The following PCDHA5 variants were observed in gnomAD, a reference collection of about 807,000 sequenced individuals.
PCDHA5 encodes the protein protocadherin alpha 5, also known as protocadherin alpha-5.
PCDHA5 carries 43 observed loss-of-function variants against 61.6 expected under a neutral mutation model. That is an observed-to-expected ratio of 0.70 (90% CI 0.55 to 0.90). The LOEUF is 0.90. PCDHA5 is among the 40% of genes least tolerant of loss of function. The probability of loss-of-function intolerance (pLI) is 0.00; values close to 1 mark genes in which losing one functional copy is unlikely to be tolerated. For missense variants in PCDHA5, 1,298 were observed against 1,222.7 expected, an observed-to-expected ratio of 1.06 and a Z score of -0.92; for synonymous variants, 627 against 543.9, an observed-to-expected ratio of 1.15 and a Z score of -2.13.
chr5:140,839,000 A>G (rs190109951), intron 1 of PCDHA5, among the ~76,000 whole-genome samples: 4 of 152,212 alleles, frequency 2.6e-5, no homozygotes, highest in Admixed American at 2.6e-4. Flanking sequence ...ATTCTAATAT[A>G]CTTTAGTAAA....
In PCDHA5 at chr5:140,857,546, G is replaced by A. The variant is rs1554150192; in HGVS notation, c.2352+33419G>A. 8 of 1,596,870 alleles carry A rather than the reference G, an allele frequency of 5.0e-6. 2 individuals carry two copies. In the Admixed American group the frequency reaches 8.4e-5, roughly 17 times the overall value. On this transcript the variant is annotated intron_variant, in intron 1 of 3. Coordinates refer to ENST00000529859, the MANE Select transcript of PCDHA5 (RefSeq NM_018908.3). ...CTCTCTGGTGGAGCGGCGGTTGGGC[G>A]AGCGCTCGCTGTCGAGCTACGTGTC...
chr5:140,831,281 C>T (rs1312764536), intron 1 of PCDHA5: 1 of 152,158 alleles, frequency 6.6e-6, no homozygotes, highest in Admixed American at 6.6e-5. Context: ...ATGGTCTTCT[C>T]TTCATGGAGT....
At chr5:140,951,098 A>T (rs1480000816) in intron 1 of PCDHA5, among the ~76,000 whole-genome samples, 1 of 151,264 alleles carries the variant, frequency 6.6e-6, no homozygotes, top group African/African-American at 2.4e-5. Flanking sequence ...TTCTGATAAG[A>T]TTTCCTTTAT....
chr5:140,831,050 T>A (rs1228515623), intron 1 of PCDHA5: 2 of 152,266 alleles, frequency 1.3e-5, no homozygotes, highest in Non-Finnish European at 2.9e-5. Context: ...TAGTGTTCAT[T>A]TATTGTCCCC....
intron 1 of PCDHA5, among the ~76,000 whole-genome samples, chr5:140,921,435 A>G (rs997660613): frequency 6.6e-6 from 1 of 152,120 alleles, no homozygotes. Context: ...ATTTTCTTCA[A>G]TGGTGTCTGA....
chr5:140,860,366 G>A (rs2046359217), intron 1 of PCDHA5: 1 of 152,102 alleles, frequency 6.6e-6, no homozygotes, highest in African/African-American at 2.4e-5. Flanking sequence ...GGATGACAAA[G>A]TGAGACCCTA....
intron 1 of PCDHA5, chr5:140,859,517 T>A (rs1364411363): frequency 5.1e-6 from 1 of 195,368 alleles, no homozygotes; most frequent in Admixed American, 5.8e-5. Flanking sequence ...ATGATTTCAT[T>A]TTTAAAAAAA....
intron 1 of PCDHA5, chr5:140,877,106 TG>T: frequency 6.2e-7 from 1 of 1,613,554 alleles, no homozygotes. Flanking sequence ...GTGCCGCCTC[TG>T]GGCAGCAACG....
At chr5:140,885,985 G>A (rs879977606) in intron 1 of PCDHA5, among the ~76,000 whole-genome samples, 3 of 152,110 alleles carry the variant, frequency 2.0e-5, no homozygotes, top group Admixed American at 2.0e-4. Context: ...AGATTCGCAT[G>A]TGGTTGAAAG....
chr5:140,927,098 A>G (rs1554204018), intron 1 of PCDHA5: 4 of 1,613,286 alleles, frequency 2.5e-6, no homozygotes, highest in Non-Finnish European at 3.4e-6. Flanking sequence ...TTCGGGGTGG[A>G]TCTACCCAGC....
Position 140,852,281 on chromosome 5 carries a change from T to C in PCDHA5, c.2352+28154T>C, listed in dbSNP as rs2150514779. ...ATGCTACAATATTACATGTTTTTTG[T>C]CTTTTTATTTTTCTGAGACGGAGTC... On this transcript the variant is annotated intron_variant, in intron 1 of 3. Coordinates refer to ENST00000529859, the MANE Select transcript of PCDHA5 (RefSeq NM_018908.3). 5.5e-5 allele frequency: 28 copies of C among 508,306 alleles called. 1 individual carries two copies. In the South Asian group the frequency reaches 2.0e-3, roughly 37 times the overall value. 31.5% of individuals were successfully genotyped at this position (508,306 alleles called of 1,614,324 possible).
rs1338866234 is a variant in PCDHA5 at position 141,009,892 on chromosome 5, GAA to G, written c.2771_2772del (p.Lys924ArgfsTer8). ...AGAAGAAGGGTAACAAGACCCAGGA[GAA>G]AAAAGAGAAAGGGAACAGCACGACT... ...KKKKGNKTQE[K>X]KEKGNSTTDN... On this transcript the variant is annotated frameshift_variant, in exon 4 of 4. Coordinates refer to ENST00000529859, the MANE Select transcript of PCDHA5 (RefSeq NM_018908.3). LOFTEE classifies it high-confidence loss of function. The G allele has an allele frequency of 3.7e-6, 6 of 1,612,022 alleles. No individual in the cohort carries two copies. The Admixed American group carries it at 1.0e-4, about 27-fold the overall frequency.
At chr5:140,882,096 T>A in intron 1 of PCDHA5, 1 of 1,224,746 alleles carries the variant, frequency 8.2e-7, no homozygotes, top group Non-Finnish European at 1.1e-6. Flanking sequence ...ACTGAGAACG[T>A]TTCCGCGAAG....
At chr5:140,895,912 A>G (rs1215168324) in intron 1 of PCDHA5, among the ~76,000 whole-genome samples, 1 of 152,146 alleles carries the variant, frequency 6.6e-6, no homozygotes, top group African/African-American at 2.4e-5. Context: ...CCCGGGCTCA[A>G]CAATTATCCT....
At chr5:140,883,971 C>G in intron 1 of PCDHA5, 1 of 1,613,030 alleles carries the variant, frequency 6.2e-7, no homozygotes. Context: ...CTGCTGACGC[C>G]CGGGGCTGGC....
chr5:140,953,444 G>C (rs2094887278), intron 1 of PCDHA5, among the ~76,000 whole-genome samples: 1 of 152,088 alleles, frequency 6.6e-6, no homozygotes, highest in South Asian at 2.1e-4. Context: ...GGAGAAACTA[G>C]GGATTATCTG....
chr5:140,830,384 C>T (rs2150185843), intron 1 of PCDHA5: 1 of 1,614,156 alleles, frequency 6.2e-7, no homozygotes, highest in South Asian at 1.1e-5. Context: ...GGAGGGCCCA[C>T]CCAAGATGGA....
intron 1 of PCDHA5, chr5:140,870,875 C>T (rs1235290760): frequency 3.7e-6 from 6 of 1,613,912 alleles, no homozygotes; most frequent in Non-Finnish European, 5.1e-6. Context: ...CACGTGGTGG[C>T]GAAGGTGCGC....
intron 1 of PCDHA5, among the ~76,000 whole-genome samples, chr5:140,921,145 T>G (rs2080047732): frequency 4.1e-5 from 1 of 24,298 alleles, no homozygotes; most frequent in Admixed American, 5.4e-4. Flanking sequence ...TACACCCAGC[T>G]AATGCATTTT....
Sources: gnomAD v4.1 joint callset for allele counts (sites outside exome capture counted in the v4.1 genomes callset) on GRCh38, gnomAD v4.1.1 for gene constraint, MANE v1.5 for transcripts, NCBI Gene and HGNC (gene_info 2026-07-23, HGNC 2026-07-21) for gene names.